Variants in ERI1 observed in about 807,000 individuals in gnomAD.
ERI1 encodes the protein exoribonuclease 1.
In ERI1, 39 loss-of-function variants were observed where a neutral mutation model predicts 39.7. The observed-to-expected ratio is 0.98, with a 90% CI of 0.76 to 1.28. ERI1 has a LOEUF of 1.28. Ranked by LOEUF, ERI1 falls within the 50% of genes most tolerant of loss-of-function variation. The pLI is 0.00. For missense variants in ERI1, 581 were observed against 416.9 expected (o/e 1.39, Z -3.43); for synonymous variants, 204 against 149.6 (o/e 1.36, Z -2.65).
chr8:9,072,851 G>A (rs1024005876), intron 3 of ERI1, among the ~76,000 whole-genome samples: 8 of 152,184 alleles, frequency 5.3e-5, no homozygotes, highest in Non-Finnish European at 7.3e-5. Flanking sequence ...GTGTGCTCGG[G>A]TGAACTGCAA....
At position 9,087,475 on chromosome 8, in the gene ERI1, CT is replaced by C. The variant is rs538010839; in HGVS notation, n.300-28872del. Reference sequence around the variant, plus strand: ...ACAGGGTTTCAACATGTTGGCCAGGCTGGTCTCGAACTCCTGACCTTAGGCC... The same window carrying C: ...ACAGGGTTTCAACATGTTGGCCAGGCGGTCTCGAACTCCTGACCTTAGGCC... On this transcript the variant is annotated intron_variant and non_coding_transcript_variant, in intron 3 of 3. Coordinates refer to the ERI1 transcript ENST00000518663. Among the ~76,000 whole-genome samples the C allele has an allele frequency of 1.9e-3, 260 of 137,960 alleles. 2 individuals are homozygous for C. The highest frequency in any genetic ancestry group is 2.9e-3 in the Non-Finnish European group (192 of 66,368). 90.5% of individuals were successfully genotyped at this position (137,960 alleles called of 152,430 possible).
chr8:9,028,773 G>A (rs1458501185), intron 6 of ERI1, among the ~76,000 whole-genome samples: 3 of 151,868 alleles, frequency 2.0e-5, no homozygotes, highest in African/African-American at 4.8e-5. Flanking sequence ...ACAGGCGCAC[G>A]CCACCATAGC....
At chr8:9,059,239 G>C (rs1289959679) in intron 3 of ERI1, among the ~76,000 whole-genome samples, 4 of 152,144 alleles carry the variant, frequency 2.6e-5, no homozygotes, top group Non-Finnish European at 5.9e-5. Flanking sequence ...AGTTAAGGCA[G>C]GAAGCGGCCA....
At chr8:9,040,740 T>G (rs377703724) in intron 3 of ERI1, among the ~76,000 whole-genome samples, 176 of 143,674 alleles carry the variant, frequency 1.2e-3, no homozygotes, top group Middle Eastern at 3.6e-3. Context: ...GGGGGGGGGG[T>G]GTGTGTTAGT....
At chr8:9,056,010 A>T (rs1320639855) in intron 3 of ERI1, among the ~76,000 whole-genome samples, 1 of 152,228 alleles carries the variant, frequency 6.6e-6, no homozygotes, top group Non-Finnish European at 1.5e-5. Context: ...CTAAGCCTTC[A>T]CTTTGGGGCA....
intron 3 of ERI1, among the ~76,000 whole-genome samples, chr8:9,098,589 G>A (rs1030549435): frequency 1.3e-5 from 2 of 152,102 alleles, no homozygotes; most frequent in Admixed American, 6.5e-5. Context: ...GGAGGGAGGT[G>A]AGGGATAAAA....
intron 3 of ERI1, among the ~76,000 whole-genome samples, chr8:9,074,151 C>T (rs1316601609): frequency 1.3e-5 from 2 of 151,930 alleles, no homozygotes; most frequent in Non-Finnish European, 2.9e-5. Flanking sequence ...TGCTCTGTTG[C>T]CCATACTGGA....
At chr8:9,006,802 T>A (rs1816067746) in intron 1 of ERI1, among the ~76,000 whole-genome samples, 3 of 152,180 alleles carry the variant, frequency 2.0e-5, no homozygotes, top group Admixed American at 2.0e-4. Flanking sequence ...TCTTGAGTAC[T>A]CTGGCACCTT....
intron 2 of ERI1, chr8:9,009,124 G>C (rs1816394635): frequency 2.2e-6 from 1 of 455,584 alleles, no homozygotes; most frequent in Non-Finnish European, 4.4e-6. Context: ...TTGCGTGGGA[G>C]CTAGCGATCT....
At chr8:9,065,620 G>C (rs376240932) in intron 3 of ERI1, among the ~76,000 whole-genome samples, 1 of 149,978 alleles carries the variant, frequency 6.7e-6, no homozygotes, top group African/African-American at 2.4e-5. Context: ...GCATGAACCC[G>C]GGAGGCGGAG....
intron 3 of ERI1, among the ~76,000 whole-genome samples, chr8:9,060,410 G>A (rs553381109): frequency 6.6e-6 from 1 of 152,082 alleles, no homozygotes; most frequent in South Asian, 2.1e-4. Context: ...GGTGGGGGGC[G>A]GGGGCAAATC....
intron 2 of ERI1, among the ~76,000 whole-genome samples, chr8:9,010,454 A>G (rs571293850): frequency 6.6e-6 from 1 of 152,338 alleles, no homozygotes; most frequent in Non-Finnish European, 1.5e-5. Flanking sequence ...GCAAAGAAAC[A>G]ATATTAAGAC....
At chr8:9,025,701 TTTG>T (rs1236602455) in intron 6 of ERI1, among the ~76,000 whole-genome samples, 123 of 147,924 alleles carry the variant, frequency 8.3e-4, no homozygotes, top group African/African-American at 2.8e-3. Flanking sequence ...ATCTTTTTTT[TTTG>T]TGTGTGTGTG....
intron 3 of ERI1, among the ~76,000 whole-genome samples, chr8:9,097,077 T>G (rs1411420692): frequency 2.6e-5 from 4 of 152,046 alleles, no homozygotes; most frequent in Non-Finnish European, 2.9e-5. Flanking sequence ...CTCTCCCGCT[T>G]CCTCTGGAAG....
At chr8:9,063,578 T>C (rs936073160) in intron 3 of ERI1, among the ~76,000 whole-genome samples, 1 of 152,014 alleles carries the variant, frequency 6.6e-6, no homozygotes, top group Non-Finnish European at 1.5e-5. Context: ...GACTCAGCGA[T>C]GCTTGGGGTT....
intron 3 of ERI1, among the ~76,000 whole-genome samples, chr8:9,047,764 A>T (rs910274206): frequency 4.6e-5 from 7 of 152,136 alleles, no homozygotes; most frequent in African/African-American, 1.7e-4. Flanking sequence ...CCAACAGAGC[A>T]GTTCCACCTA....
In ERI1 at chr8:9,094,735, T is replaced by C. The variant is rs567502460; in HGVS notation, n.300-21613T>C. On this transcript the variant is annotated intron_variant and non_coding_transcript_variant, in intron 3 of 3. Transcript: ENST00000518663. ...GGATTACAAGGTATTTCATCTCCTG[T>C]AGGACGGGCCCTTCCCTAACACTTA... 2.6e-5 allele frequency among the ~76,000 whole-genome samples: 4 copies of C among 152,348 alleles called. 1 individual carries two copies. Among genetic ancestry groups the C allele is most frequent in the African/African-American group, 4.8e-5 (2 of 41,586 alleles).
At position 9,003,687 on chromosome 8, in the gene ERI1, TTGAA is replaced by T. The variant is rs373395388; in HGVS notation, c.108+522_108+525del. On this transcript the variant is annotated intron_variant, in intron 1 of 6. Transcript: ENST00000250263. The stretch of plus-strand genomic sequence containing the variant: ...TGTCTCATATAACCATAGTATAAGA[TTGAA>T]TGAATCATTTTGACATCTCATCGGT... Among the ~76,000 whole-genome samples, 1,121 of 152,364 alleles carry T rather than the reference TTGAA, an allele frequency of 7.4e-3. 13 individuals are homozygous for T. The highest frequency in any genetic ancestry group is 0.026 in the African/African-American group (1,077 of 41,582).
intron 3 of ERI1, chr8:9,091,154 A>G (rs1483965649): frequency 6.6e-6 from 1 of 152,220 alleles, no homozygotes; most frequent in Non-Finnish European, 1.5e-5. Flanking sequence ...ATTGCATTTT[A>G]TCTCCCTGTC....
Sources: gnomAD v4.1 joint callset for allele counts (sites outside exome capture counted in the v4.1 genomes callset) on GRCh38, gnomAD v4.1.1 for gene constraint, MANE v1.5 for transcripts, NCBI Gene and HGNC (gene_info 2026-07-23, HGNC 2026-07-21) for gene names.